Variants in ATP11A observed in about 807,000 individuals in gnomAD.
ATP11A encodes the protein phospholipid-transporting ATPase IH.
In ATP11A, 81 loss-of-function variants were observed where a neutral mutation model predicts 154.4. The ratio of observed to expected loss-of-function variants is 0.52; its 90% CI spans 0.44 to 0.63. The LOEUF (loss-of-function observed/expected upper bound fraction) is 0.63, where lower values mean the gene tolerates loss of function less well. ATP11A is among the 30% of genes least tolerant of loss of function. The probability of loss-of-function intolerance (pLI) is 0.00; values close to 1 mark genes in which losing one functional copy is unlikely to be tolerated. For missense variants in ATP11A, 1,316 were observed against 1,474.3 expected, an observed-to-expected ratio of 0.89 and a Z score of 1.76; for synonymous variants, 623 against 585.9, an observed-to-expected ratio of 1.06 and a Z score of -0.91.
chr13:112,708,358 T>C (rs1887385896), intron 1 of ATP11A, among the ~76,000 whole-genome samples: 3 of 152,198 alleles, frequency 2.0e-5, no homozygotes, highest in Admixed American at 1.3e-4. Flanking sequence ...AAATTCACGG[T>C]CCGAAACCGT....
At chr13:112,831,166 G>T (rs112074875) in intron 12 of ATP11A, among the ~76,000 whole-genome samples, 2 of 152,310 alleles carry the variant, frequency 1.3e-5, no homozygotes, top group African/African-American at 2.4e-5. Context: ...TGCCAGGACT[G>T]CAGGGTCCTG....
chr13:112,883,961 G>A lies in ATP11A; in HGVS notation c.*2095G>A, dbSNP rs1279197922. 6.6e-6 allele frequency: 1 copy of A among 152,574 alleles called. No individual in the cohort carries two copies. The highest frequency in any genetic ancestry group is 2.4e-5 in the African/African-American group (1 of 41,454). The allele number at this position is 152,574 out of a possible 1,614,324, so 9.5% of individuals were successfully genotyped here. A position where few individuals can be genotyped will look rare whatever the true frequency, so the allele number is the denominator to read the frequency against. The stretch of plus-strand genomic sequence containing the variant: ...ATCTTAAAATTGCCTTTGCACTGAA[G>A]TATTTTCATAGCTGTTTATATCTCT... On this transcript the variant is annotated 3_prime_UTR_variant, in exon 30 of 30. Transcript: ENST00000375645.
At position 112,754,987 on chromosome 13, in the gene ATP11A, G is replaced by A. The variant is rs755239855; in HGVS notation, c.40-30148G>A. Among the ~76,000 whole-genome samples, 23 of 152,230 alleles carry A rather than the reference G, an allele frequency of 1.5e-4. No individual in the cohort carries two copies. The highest frequency in any genetic ancestry group is 5.9e-5 in the Non-Finnish European group (4 of 68,036). On this transcript the variant is annotated intron_variant, in intron 1 of 29. Coordinates refer to ENST00000375645, the MANE Select transcript of ATP11A (RefSeq NM_015205.3). The surrounding 1 kb of genome is among the most constrained non-coding windows in gnomAD (Gnocchi z 5.3). ...CTCCTGCCGAGGGCTGGATGGCGCG[G>A]ACCTGGGCATCGTGGCCTCTGCAGT...
chr13:112,721,455 C>T (rs1245268422), intron 1 of ATP11A, among the ~76,000 whole-genome samples: 1 of 152,250 alleles, frequency 6.6e-6, no homozygotes, highest in Non-Finnish European at 1.5e-5. Context: ...AAGCCGGGTA[C>T]TCCAGGCAGG....
At chr13:112,766,712 T>C (rs431845) in intron 1 of ATP11A, among the ~76,000 whole-genome samples, 15,228 of 151,720 alleles carry the variant, frequency 0.1, 1,121 homozygotes, top group African/African-American at 0.2. Flanking sequence ...CTTCCCTCCA[T>C]ATTCACTGTG....
chr13:112,872,438 C>G (rs1244972018), intron 26 of ATP11A, among the ~76,000 whole-genome samples: 1 of 152,168 alleles, frequency 6.6e-6, no homozygotes, highest in East Asian at 1.9e-4. Context: ...TGGCAAAACC[C>G]CATCTTTACT....
intron 1 of ATP11A, among the ~76,000 whole-genome samples, chr13:112,732,227 T>C (rs956151641): frequency 6.6e-6 from 1 of 152,178 alleles, no homozygotes; most frequent in African/African-American, 2.4e-5. Context: ...TGCACTCAGG[T>C]GGGCAACTTT....
At chr13:112,833,353 A>G (rs2079149094) in intron 14 of ATP11A, among the ~76,000 whole-genome samples, 2 of 152,000 alleles carry the variant, frequency 1.3e-5, no homozygotes, top group African/African-American at 4.8e-5. Flanking sequence ...TTTAACACAA[A>G]TCTCCCTCCT....
At chr13:112,799,615 A>G (rs1240309176) in intron 2 of ATP11A, among the ~76,000 whole-genome samples, 1 of 152,206 alleles carries the variant, frequency 6.6e-6, no homozygotes, top group Non-Finnish European at 1.5e-5. Flanking sequence ...GTGGAATGTC[A>G]TCTTTTGTGG....
intron 1 of ATP11A, among the ~76,000 whole-genome samples, chr13:112,702,230 C>T (rs1278419983): frequency 6.6e-6 from 1 of 151,766 alleles, no homozygotes; most frequent in Non-Finnish European, 1.5e-5. Context: ...CCTGTAATCC[C>T]ACCTACTCGG....
chr13:112,793,680 C>T (rs1042318166), intron 2 of ATP11A, among the ~76,000 whole-genome samples: 7 of 152,356 alleles, frequency 4.6e-5, no homozygotes, highest in Middle Eastern at 3.4e-3. Context: ...CCGGCGTCCC[C>T]GCCTTTTTCA....
intron 1 of ATP11A, among the ~76,000 whole-genome samples, chr13:112,749,889 G>A (rs2076653971): frequency 7.7e-6 from 1 of 129,542 alleles, no homozygotes; most frequent in Non-Finnish European, 1.6e-5. Context: ...TGAAGGACGC[G>A]GGGTTGAATC....
At chr13:112,730,341 G>A (rs535020197) in intron 1 of ATP11A, among the ~76,000 whole-genome samples, 9 of 152,322 alleles carry the variant, frequency 5.9e-5, no homozygotes, top group South Asian at 2.1e-4. Flanking sequence ...GCCGGAGGAC[G>A]GGCATTGATG....
intron 1 of ATP11A, among the ~76,000 whole-genome samples, chr13:112,734,221 C>G (rs1014002683): frequency 2.0e-5 from 3 of 152,098 alleles, no homozygotes; most frequent in Non-Finnish European, 4.4e-5. Context: ...GACATGCGAG[C>G]TCAGCTGTTC....
chr13:112,784,008 C>T (rs984751645), intron 1 of ATP11A, among the ~76,000 whole-genome samples: 2 of 152,136 alleles, frequency 1.3e-5, no homozygotes, highest in African/African-American at 2.4e-5. Context: ...GGCCGGTGAC[C>T]CCACAGTGGG....
intron 29 of ATP11A, among the ~76,000 whole-genome samples, chr13:112,879,808 T>C (rs1281671391): frequency 1.3e-5 from 2 of 152,256 alleles, no homozygotes; most frequent in Non-Finnish European, 2.9e-5. Context: ...TTACTTCCAG[T>C]GGATGGCTTT....
intron 1 of ATP11A, among the ~76,000 whole-genome samples, chr13:112,755,794 C>T (rs989466129): frequency 1.5e-5 from 2 of 137,652 alleles, no homozygotes; most frequent in African/African-American, 6.0e-5. Flanking sequence ...GGAAGCGGCA[C>T]TCAGAGCGGC....
intron 1 of ATP11A, among the ~76,000 whole-genome samples, chr13:112,738,818 A>G (rs575231830): frequency 6.6e-6 from 1 of 151,024 alleles, no homozygotes; most frequent in South Asian, 2.1e-4. Context: ...CCCCGCCCCT[A>G]CAGAGCCTCC....
At chr13:112,736,787 T>C (rs1409529606) in intron 1 of ATP11A, among the ~76,000 whole-genome samples, 2 of 152,172 alleles carry the variant, frequency 1.3e-5, no homozygotes, top group African/African-American at 4.8e-5. Context: ...AAAATTAAAA[T>C]TAAACTAGAT....
Sources: allele counts gnomAD v4.1 joint callset (sites outside exome capture counted in the v4.1 genomes callset), GRCh38; gene constraint gnomAD v4.1.1; non-coding constraint Gnocchi (gnomAD v3.1); transcripts MANE v1.5; gene names NCBI Gene and HGNC (gene_info 2026-07-23, HGNC 2026-07-21).